TMEM132D: variants seen among roughly 807,000 people sequenced by gnomAD.
The protein encoded by TMEM132D is transmembrane protein 132D, also known as mature OL transmembrane protein.
TMEM132D carries 21 observed loss-of-function variants against 62.3 expected under a neutral mutation model. The observed-to-expected ratio is 0.34, with a 90% CI of 0.24 to 0.49. The LOEUF is 0.49. Among genes scored for constraint, TMEM132D ranks in the 20% least tolerant of loss-of-function variants. TMEM132D has a pLI of 0.99. For synonymous variants in TMEM132D, 621 were observed against 575.6 expected, an observed-to-expected ratio of 1.08 and a Z score of -1.13; for missense variants, 1,346 against 1,402.8, an observed-to-expected ratio of 0.96 and a Z score of 0.65.
intron 5 of TMEM132D, among the ~76,000 whole-genome samples, chr12:129,159,452 T>A (rs1877335146): frequency 6.6e-6 from 1 of 151,984 alleles, no homozygotes; most frequent in African/African-American, 2.4e-5. Flanking sequence ...AAATGACATA[T>A]GCATAATAGA....
chr12:129,878,984 T>C (rs1235393649), intron 1 of TMEM132D, among the ~76,000 whole-genome samples: 4 of 152,206 alleles, frequency 2.6e-5, no homozygotes, highest in Non-Finnish European at 5.9e-5. Context: ...CTCCCTGTTG[T>C]AGCTACTCTC....
At chr12:129,768,102 TG>T (rs1870613026) in intron 1 of TMEM132D, among the ~76,000 whole-genome samples, 1 of 152,202 alleles carries the variant, frequency 6.6e-6, no homozygotes, top group African/African-American at 2.4e-5. Context: ...GTCAGAATTG[TG>T]GGAGCTATAG....
chr12:129,794,912 G>A (rs1008862946), intron 1 of TMEM132D, among the ~76,000 whole-genome samples: 15 of 152,206 alleles, frequency 9.9e-5, no homozygotes, highest in African/African-American at 3.1e-4. Flanking sequence ...ATGCATTTCC[G>A]GGGAAATTTA....
intron 1 of TMEM132D, among the ~76,000 whole-genome samples, chr12:129,763,981 C>T (rs540270476): frequency 1.3e-5 from 2 of 152,280 alleles, no homozygotes; most frequent in East Asian, 3.9e-4. Context: ...GATCACACCT[C>T]GTTGCATTTT....
At chr12:129,800,489 G>C (rs982661131) in intron 1 of TMEM132D, among the ~76,000 whole-genome samples, 1 of 152,146 alleles carries the variant, frequency 6.6e-6, no homozygotes. Flanking sequence ...GAGCTATGCA[G>C]TTATAAATCC....
intron 8 of TMEM132D, among the ~76,000 whole-genome samples, chr12:129,077,570 A>T (rs1874305228): frequency 6.7e-6 from 1 of 150,118 alleles, no homozygotes; most frequent in African/African-American, 2.5e-5. Context: ...CACAACACAC[A>T]TACACATATA....
chr12:129,453,179 C>A (rs1043256929), intron 3 of TMEM132D, among the ~76,000 whole-genome samples: 6 of 152,192 alleles, frequency 3.9e-5, no homozygotes, highest in African/African-American at 9.7e-5. Flanking sequence ...CCATCACCCA[C>A]CTCTCTGCAG....
chr12:129,671,307 A>G (rs1880494908), intron 2 of TMEM132D, among the ~76,000 whole-genome samples: 2 of 152,186 alleles, frequency 1.3e-5, no homozygotes, highest in African/African-American at 4.8e-5. Flanking sequence ...TTGTGCTTCC[A>G]TCAGTTGTAA....
At position 129,867,123 on chromosome 12, in the gene TMEM132D, G is replaced by A. The variant is rs190268538; in HGVS notation, c.79+36138C>T. ...AAAAATACAGAAATTAGCTGGGCAC[G>A]GTGGTATGTGCCTGTAGTCCTAGCT... On this transcript the variant is annotated intron_variant, in intron 1 of 8. Coordinates refer to ENST00000422113, the MANE Select transcript of TMEM132D (RefSeq NM_133448.3). This position sits in a 1 kb window ranked among gnomAD's most constrained non-coding sequence, Gnocchi z 4.5. Among the ~76,000 whole-genome samples, 38 of 152,124 alleles carry A rather than the reference G, an allele frequency of 2.5e-4. No individual in the cohort carries two copies. Among genetic ancestry groups the A allele is most frequent in the Admixed American group, 1.4e-3 (22 of 15,272 alleles).
chr12:129,472,811 G>T (rs1202131764), intron 3 of TMEM132D, among the ~76,000 whole-genome samples: 1 of 151,998 alleles, frequency 6.6e-6, no homozygotes, highest in Admixed American at 6.6e-5. Flanking sequence ...ATGCTACGGA[G>T]AAATCTTTCA....
intron 2 of TMEM132D, among the ~76,000 whole-genome samples, chr12:129,542,701 T>A (rs1408249515): frequency 6.6e-6 from 1 of 152,196 alleles, no homozygotes; most frequent in Non-Finnish European, 1.5e-5. Context: ...TGTAGGTATA[T>A]ATATAATGTA....
chr12:129,187,438 C>T (rs565900355), intron 5 of TMEM132D, among the ~76,000 whole-genome samples: 1 of 152,126 alleles, frequency 6.6e-6, no homozygotes, highest in Non-Finnish European at 1.5e-5. Context: ...GAGGACTTGG[C>T]TGAGGGTGTC....
intron 4 of TMEM132D, among the ~76,000 whole-genome samples, chr12:129,257,778 C>T (rs556792569): frequency 1.6e-4 from 25 of 152,106 alleles, no homozygotes; most frequent in Admixed American, 1.2e-3. Flanking sequence ...TGAGCTTGAC[C>T]TACAGAAGGC....
intron 1 of TMEM132D, among the ~76,000 whole-genome samples, chr12:129,882,217 A>G (rs1874617899): frequency 6.6e-6 from 1 of 152,044 alleles, no homozygotes; most frequent in Admixed American, 6.5e-5. Context: ...TCTAGCTCCA[A>G]ATGTGTAGTC....
At chr12:129,890,164 T>C (rs1874875575) in intron 1 of TMEM132D, among the ~76,000 whole-genome samples, 1 of 152,142 alleles carries the variant, frequency 6.6e-6, no homozygotes, top group Non-Finnish European at 1.5e-5. Context: ...GTCCTATAAA[T>C]TGGATGTGCA....
rs372252792 is a variant in TMEM132D, at chr12:129,337,685, G to A, written c.1248C>T (p.Ser416=). Residue 416 remains serine (S), a synonymous_variant, in exon 4 of 9, where the codon TCC becomes TCT. Transcript: ENST00000422113. ...AGTCCTTTGGGCTCACATAGATCTT[G>A]GACACTCCCAAGTCAGACGTGATCT... ...PGEITSDLGV[S]KIYVSPKDLI... The A allele has an allele frequency of 2.5e-6, 4 of 1,614,032 alleles. No homozygotes were observed. Among genetic ancestry groups the A allele is most frequent in the African/African-American group, 1.3e-5 (1 of 74,938 alleles).
intron 3 of TMEM132D, among the ~76,000 whole-genome samples, chr12:129,399,533 T>C (rs1871550300): frequency 6.7e-6 from 1 of 149,256 alleles, no homozygotes; most frequent in Non-Finnish European, 1.5e-5. Flanking sequence ...AGGTCCCACC[T>C]CTCTACACTG....
intron 4 of TMEM132D, among the ~76,000 whole-genome samples, chr12:129,220,244 A>C (rs1566001587): frequency 1.3e-5 from 2 of 152,042 alleles, no homozygotes; most frequent in African/African-American, 4.8e-5. Flanking sequence ...GCTGCTTGTC[A>C]TGACTAGAAA....
intron 6 of TMEM132D, among the ~76,000 whole-genome samples, chr12:129,083,791 G>A (rs375908323): frequency 1.3e-5 from 2 of 152,302 alleles, no homozygotes; most frequent in African/African-American, 4.8e-5. Context: ...TCTCTGAGAT[G>A]ACAAAGTCTG....
Sources: allele counts gnomAD v4.1 joint callset (sites outside exome capture counted in the v4.1 genomes callset), GRCh38; gene constraint gnomAD v4.1.1; non-coding constraint Gnocchi (gnomAD v3.1); transcripts MANE v1.5; gene names NCBI Gene and HGNC (gene_info 2026-07-23, HGNC 2026-07-21).